KYNU: variants seen among roughly 807,000 people sequenced by gnomAD.
KYNU encodes the protein kynureninase.
A neutral mutation model predicts 59.2 loss-of-function variants in KYNU; 54 were observed. The observed-to-expected ratio is 0.91, with a 90% CI of 0.73 to 1.14. The LOEUF (loss-of-function observed/expected upper bound fraction) is 1.14, where lower values mean the gene tolerates loss of function less well. Among genes scored for constraint, KYNU ranks in the 50% most tolerant of loss-of-function variants. The probability of loss-of-function intolerance (pLI) is 0.00; values close to 1 mark genes in which losing one functional copy is unlikely to be tolerated. For missense variants in KYNU, 567 were observed against 554.4 expected (o/e 1.02, Z -0.23); for synonymous variants, 177 against 192.0 (o/e 0.92, Z 0.65).
chr2:142,940,890 TC>T, intron 4 of KYNU, among the ~76,000 whole-genome samples: 1 of 152,318 alleles, frequency 6.6e-6, no homozygotes, highest in East Asian at 1.9e-4. Flanking sequence ...AACTTTACTT[TC>T]ACTTTACTTT....
At chr2:142,976,831 G>T (rs927793152) in intron 8 of KYNU, among the ~76,000 whole-genome samples, 1 of 152,134 alleles carries the variant, frequency 6.6e-6, no homozygotes, top group Non-Finnish European at 1.5e-5. Context: ...ATACATACCA[G>T]ATTTACATTG....
intron 10 of KYNU, among the ~76,000 whole-genome samples, chr2:143,007,122 A>G (rs2105195487): frequency 1.3e-5 from 2 of 152,126 alleles, no homozygotes. Context: ...CTATGGGAGG[A>G]CATTCAAACC....
intron 2 of KYNU, among the ~76,000 whole-genome samples, chr2:142,906,844 G>A (rs1325384048): frequency 6.6e-6 from 1 of 152,138 alleles, no homozygotes; most frequent in African/African-American, 2.4e-5. Context: ...CAGGACGACA[G>A]CTTTCTGCCT....
intron 10 of KYNU, among the ~76,000 whole-genome samples, chr2:142,986,396 G>T (rs566432827): frequency 2.7e-4 from 41 of 151,914 alleles, no homozygotes; most frequent in African/African-American, 9.4e-4. Flanking sequence ...GTGCCTAATA[G>T]AGCCTTAAAT....
chr2:142,940,588 A>C (rs1683563881), intron 4 of KYNU, among the ~76,000 whole-genome samples: 1 of 149,898 alleles, frequency 6.7e-6, no homozygotes, highest in Non-Finnish European at 1.5e-5. Flanking sequence ...AAGGAAAAAC[A>C]AAAAATAAGA....
At chr2:143,011,994 C>T (rs1054658437) in intron 10 of KYNU, among the ~76,000 whole-genome samples, 1 of 145,992 alleles carries the variant, frequency 6.8e-6, no homozygotes, top group African/African-American at 2.6e-5. Context: ...AGCGCACCAG[C>T]ATGGCACATG....
intron 4 of KYNU, among the ~76,000 whole-genome samples, chr2:142,952,619 T>G (rs553704194): frequency 1.3e-5 from 2 of 151,738 alleles, no homozygotes; most frequent in Middle Eastern, 3.5e-3. Flanking sequence ...AAAAACTGTT[T>G]GCAGAGACAG....
At chr2:143,019,587 T>C (rs1686351619) in intron 10 of KYNU, among the ~76,000 whole-genome samples, 1 of 152,176 alleles carries the variant, frequency 6.6e-6, no homozygotes, top group African/African-American at 2.4e-5. Context: ...AGCAACTGTG[T>C]TCATCAGGGA....
Position 143,010,622 on chromosome 2 carries a change from G to T in KYNU, c.903-19005G>T, listed in dbSNP as rs913108345. Among the ~76,000 whole-genome samples, 45 of 144,590 alleles carry T rather than the reference G, an allele frequency of 3.1e-4. 1 individual carries two copies. The highest frequency in any genetic ancestry group is 1.1e-3 in the African/African-American group (41 of 38,358). 94.9% of individuals were successfully genotyped at this position (144,590 alleles called of 152,430 possible). A position where few individuals can be genotyped will look rare whatever the true frequency, so the allele number is the denominator to read the frequency against. ...TCACCAAGTCAATCCTAAGCCAAAA[G>T]AACAAAGCTGGAGGCATCACACTAC... On this transcript the variant is annotated intron_variant, in intron 10 of 13. Transcript: ENST00000264170.
At chr2:142,956,338 C>A in intron 6 of KYNU, 64 bp downstream of exon 6, 2 of 1,043,736 alleles carry the variant, frequency 1.9e-6, no homozygotes, top group Non-Finnish European at 3.0e-6. Flanking sequence ...GTATCATTTG[C>A]CTGACTTGAA....
At chr2:142,908,516 C>T (rs551266372) in intron 2 of KYNU, among the ~76,000 whole-genome samples, 1 of 150,894 alleles carries the variant, frequency 6.6e-6, no homozygotes, top group Admixed American at 6.6e-5. Context: ...AAAAAATATG[C>T]CTATATTAGA....
In KYNU at chr2:142,966,921, T is replaced by C. The variant is rs79890557; in HGVS notation, c.729+6151T>C. Among the ~76,000 whole-genome samples, 482 of 151,566 alleles carry C rather than the reference T, an allele frequency of 3.2e-3. 3 individuals are homozygous for C. Among genetic ancestry groups the C allele is most frequent in the African/African-American group, 0.011 (455 of 41,364 alleles). ...GAAATGAGATTTTTTAGGCAGAAAG[T>C]GAAATATCCAGAATTTTTTATTAAA... On this transcript the variant is annotated intron_variant, in intron 8 of 13. Coordinates refer to ENST00000264170, the MANE Select transcript of KYNU (RefSeq NM_003937.3).
At chr2:142,962,331 G>T (rs1175991599) in intron 8 of KYNU, among the ~76,000 whole-genome samples, 1 of 152,174 alleles carries the variant, frequency 6.6e-6, no homozygotes, top group Non-Finnish European at 1.5e-5. Context: ...CTTTAAAAGT[G>T]CTAATTTAAC....
At chr2:143,004,885 C>A (rs959906887) in intron 10 of KYNU, among the ~76,000 whole-genome samples, 4 of 152,146 alleles carry the variant, frequency 2.6e-5, no homozygotes, top group African/African-American at 9.7e-5. Flanking sequence ...CAGTATCTAA[C>A]CCCCCTCTAC....
chr2:143,039,535 C>A (rs981351623), intron 12 of KYNU, among the ~76,000 whole-genome samples: 2 of 151,886 alleles, frequency 1.3e-5, no homozygotes, highest in Non-Finnish European at 2.9e-5. Context: ...GGTATGTTCC[C>A]GGACCAAATT....
In KYNU at chr2:143,048,955, G is replaced by T. The variant is rs563325700; in HGVS notation, c.*6783G>T. ...AAGGGCTCTTTGTCTTTAATGATCC[G>T]CATTTTTATTATGATGTGTCTAGGC... On this transcript the variant is annotated 3_prime_UTR_variant, in exon 14 of 14. Coordinates refer to ENST00000264170, the MANE Select transcript of KYNU (RefSeq NM_003937.3). The T allele has an allele frequency of 7.2e-5, 11 of 152,178 alleles. No homozygotes were observed. Among genetic ancestry groups the T allele is most frequent in the East Asian group, 5.8e-4 (3 of 5,178 alleles). The allele number at this position is 152,178 out of a possible 1,614,324, so 9.4% of individuals were successfully genotyped here.
chr2:143,033,746 A>G (rs1686821632), intron 12 of KYNU, among the ~76,000 whole-genome samples: 1 of 152,210 alleles, frequency 6.6e-6, no homozygotes, highest in African/African-American at 2.4e-5. Context: ...TGTGATTACT[A>G]GGGACTGTAC....
chr2:142,878,327 C>A (rs1193511372), intron 1 of KYNU, among the ~76,000 whole-genome samples: 1 of 151,924 alleles, frequency 6.6e-6, no homozygotes, highest in African/African-American at 2.4e-5. Context: ...AGTAGTAACA[C>A]TGAAGCAAAT....
intron 4 of KYNU, among the ~76,000 whole-genome samples, chr2:142,943,807 T>C (rs1683685912): frequency 6.6e-6 from 1 of 152,212 alleles, no homozygotes. Flanking sequence ...TAAAGGCTGC[T>C]GAAATTTGTT....
Sources: allele counts gnomAD v4.1 joint callset (sites outside exome capture counted in the v4.1 genomes callset), GRCh38; gene constraint gnomAD v4.1.1; transcripts MANE v1.5; gene names NCBI Gene and HGNC (gene_info 2026-07-23, HGNC 2026-07-21).